The following UBR1 variants were observed in gnomAD, a reference collection of about 807,000 sequenced individuals.
UBR1 encodes ubiquitin protein ligase E3 component n-recognin 1, also known as E3 ubiquitin-protein ligase UBR1.
UBR1 carries 102 observed loss-of-function variants against 242.1 expected under a neutral mutation model. That is an observed-to-expected ratio of 0.42 (90% CI 0.36 to 0.50). The LOEUF (loss-of-function observed/expected upper bound fraction) is 0.50, where lower values mean the gene tolerates loss of function less well. UBR1 is among the 20% of genes least tolerant of loss of function. The pLI, the probability that UBR1 is intolerant of heterozygous loss-of-function variation, is 0.01. For missense variants in UBR1, 1,772 were observed against 2,101.8 expected, an observed-to-expected ratio of 0.84 and a Z score of 3.07; for synonymous variants, 675 against 684.8, an observed-to-expected ratio of 0.99 and a Z score of 0.22.
intron 14 of UBR1, among the ~76,000 whole-genome samples, chr15:43,044,572 G>A (rs528745816): frequency 6.6e-6 from 1 of 152,270 alleles, no homozygotes; most frequent in East Asian, 1.9e-4. Context: ...TCAGAAATCA[G>A]CATACTGACT....
chr15:43,045,464 C>T (rs2033472835), intron 14 of UBR1, among the ~76,000 whole-genome samples: 1 of 151,970 alleles, frequency 6.6e-6, no homozygotes, highest in Admixed American at 6.6e-5. Context: ...AAGACCTTGT[C>T]TCTAAAAACA....
At chr15:42,971,516 T>C (rs1184511751) in intron 39 of UBR1, among the ~76,000 whole-genome samples, 2 of 152,240 alleles carry the variant, frequency 1.3e-5, no homozygotes, top group Non-Finnish European at 2.9e-5. Context: ...ATTTGAGTAG[T>C]GCTCTGTTGT....
At chr15:43,089,088 A>G (rs971981400) in intron 1 of UBR1, among the ~76,000 whole-genome samples, 4 of 151,666 alleles carry the variant, frequency 2.6e-5, no homozygotes, top group Non-Finnish European at 5.9e-5. Context: ...CTTGAACCCG[A>G]GAGGCAGAAG....
chr15:43,018,532 C>T (rs932768938), intron 27 of UBR1, among the ~76,000 whole-genome samples: 10 of 152,188 alleles, frequency 6.6e-5, no homozygotes, highest in East Asian at 1.9e-4. Context: ...GGACTAGAGG[C>T]GCACACCACC....
At chr15:42,966,432 A>C in intron 40 of UBR1, 146 bp from the exon 41 acceptor site, 10 of 1,214,690 alleles carry the variant, frequency 8.2e-6, no homozygotes, top group Non-Finnish European at 1.2e-5. Flanking sequence ...ACAAAATATA[A>C]TCCCAGCACT....
At chr15:43,092,493 C>T (rs527723862) in intron 1 of UBR1, among the ~76,000 whole-genome samples, 2 of 152,314 alleles carry the variant, frequency 1.3e-5, no homozygotes, top group East Asian at 3.9e-4. Flanking sequence ...AAATGCTACA[C>T]ATTTCTTGCC....
intron 1 of UBR1, among the ~76,000 whole-genome samples, chr15:43,088,815 G>A (rs1439975410): frequency 6.7e-6 from 1 of 150,368 alleles, no homozygotes; most frequent in Non-Finnish European, 1.5e-5. Flanking sequence ...GACTTTGTTA[G>A]ACAAGTGTCA....
At chr15:42,984,143 T>C in intron 36 of UBR1, 150 bp from the exon 37 acceptor site, 2 of 508,716 alleles carry the variant, frequency 3.9e-6, no homozygotes, top group Non-Finnish European at 3.5e-6. Flanking sequence ...TAAATTACAA[T>C]ATTCTTAATA....
chr15:43,025,882 T>C (rs2033171595), intron 23 of UBR1: 3 of 160,060 alleles, frequency 1.9e-5, no homozygotes, highest in African/African-American at 7.2e-5. Context: ...TGGTACTCTA[T>C]AGAAATGCCG....
chr15:43,017,013 A>G, intron 28 of UBR1, 82 bp downstream of exon 28: 1 of 1,082,302 alleles, frequency 9.2e-7, no homozygotes, highest in Non-Finnish European at 1.4e-6. Flanking sequence ...CCTAACAAAA[A>G]AGCAGTAGCT....
At chr15:43,045,189 T>C (rs984698666) in intron 14 of UBR1, among the ~76,000 whole-genome samples, 6 of 152,192 alleles carry the variant, frequency 3.9e-5, no homozygotes, top group Non-Finnish European at 8.8e-5. Context: ...CCAGGTGTGG[T>C]GGCTCATGCC....
At chr15:43,036,495 GA>G (rs777717437) in intron 18 of UBR1, 32 bp downstream of exon 18, 1 of 1,476,322 alleles carries the variant, frequency 6.8e-7, no homozygotes, top group African/African-American at 1.4e-5. Flanking sequence ...GGAAGATGAA[GA>G]CACAAATATC....
At position 42,960,606 on chromosome 15, in the gene UBR1, T is replaced by C. The variant is rs778477234; in HGVS notation, c.4757+39A>G. 3.1e-6 allele frequency: 5 copies of C among 1,604,352 alleles called. No homozygotes were observed. In the South Asian group the frequency reaches 5.5e-5, roughly 18 times the overall value. The stretch of plus-strand genomic sequence containing the variant: ...AATCAACTACTTTAGGAAACACAAC[T>C]TGTGGATGAGGGAGAAAGGATTAAG... On this transcript the variant is annotated intron_variant, in intron 43 of 46. Coordinates refer to ENST00000290650, the MANE Select transcript of UBR1 (RefSeq NM_174916.3).
At chr15:42,980,897 C>T (rs1567114714) in intron 37 of UBR1, among the ~76,000 whole-genome samples, 1 of 152,120 alleles carries the variant, frequency 6.6e-6, no homozygotes. Context: ...CCATTACACC[C>T]GGCCTGTCCT....
chr15:43,047,138 TC>T, intron 14 of UBR1, 22 bp downstream of exon 14: 1 of 1,613,880 alleles, frequency 6.2e-7, no homozygotes, highest in Non-Finnish European at 8.5e-7. Context: ...AAGGCACTGA[TC>T]CTACTAACAA....
chr15:43,045,082 T>C (rs931510523), intron 14 of UBR1, among the ~76,000 whole-genome samples: 4 of 152,068 alleles, frequency 2.6e-5, no homozygotes, highest in African/African-American at 9.7e-5. Flanking sequence ...TTAATAGTAA[T>C]GTCATTAATA....
At chr15:42,994,617 G>C (rs1368015969) in intron 33 of UBR1, among the ~76,000 whole-genome samples, 1 of 152,058 alleles carries the variant, frequency 6.6e-6, no homozygotes, top group African/African-American at 2.4e-5. Context: ...AATAGAAACT[G>C]AATTTACTAT....
intron 37 of UBR1, among the ~76,000 whole-genome samples, chr15:42,980,587 T>C (rs2032361090): frequency 6.6e-6 from 1 of 151,900 alleles, no homozygotes; most frequent in Non-Finnish European, 1.5e-5. Context: ...GTCCTATCTA[T>C]CTATCCATCC....
At chr15:42,968,795 G>A (rs1013500024) in intron 40 of UBR1, among the ~76,000 whole-genome samples, 6 of 152,040 alleles carry the variant, frequency 3.9e-5, no homozygotes, top group African/African-American at 1.5e-4. Context: ...GTGTTAGTTT[G>A]CTGAGAATGA....
Sources: gnomAD v4.1 joint callset for allele counts (sites outside exome capture counted in the v4.1 genomes callset) on GRCh38, gnomAD v4.1.1 for gene constraint, MANE v1.5 for transcripts, NCBI Gene and HGNC (gene_info 2026-07-23, HGNC 2026-07-21) for gene names.